SYPL2: variants seen among roughly 807,000 people sequenced by gnomAD.
SYPL2 encodes synaptophysin like 2, also known as synaptophysin-like protein 2.
Under a neutral mutation model 31.3 loss-of-function variants are expected in SYPL2, and 24 were observed. The observed-to-expected ratio is 0.77, with a 90% CI of 0.56 to 1.08. The LOEUF (loss-of-function observed/expected upper bound fraction) is 1.08. Among genes scored for constraint, SYPL2 ranks in the 50% least tolerant of loss-of-function variants. The pLI, the probability that SYPL2 is intolerant of heterozygous loss-of-function variation, is 0.00. For synonymous variants in SYPL2, 144 were observed against 143.1 expected (o/e 1.01, Z -0.05); for missense variants, 342 against 360.1 (o/e 0.95, Z 0.41).
rs751229816 is a variant in SYPL2 at position 109,475,601 on chromosome 1, C to A, written c.150C>A (p.Phe50Leu). 6.2e-7 allele frequency: 1 copy of A among 1,614,088 alleles called. No homozygotes were observed. Among genetic ancestry groups the A allele is most frequent in the Non-Finnish European group, 8.5e-7 (1 of 1,179,964 alleles). Residue 50 changes from phenylalanine (F) to leucine (L), a missense_variant, in exon 3 of 6, where the codon TTC (phenylalanine) becomes TTA (leucine). By Grantham distance (22) the Phe-to-Leu change is conservative. Transcript: ENST00000369872. The part of the protein sequence containing the change: ...VLQWLFAIFA[F>L]GSCGSYSGET... ...CTCAGCTCTTTGCTATTTTCGCCTT[C>A]GGGTCCTGTGGCTCCTACAGCGGGG... is the stretch of plus-strand genomic sequence containing the variant.
At chr1:109,474,592 C>T (rs556248882) in intron 2 of SYPL2, among the ~76,000 whole-genome samples, 8 of 152,224 alleles carry the variant, frequency 5.3e-5, no homozygotes, top group Middle Eastern at 3.4e-3. Context: ...CCACCCGCCT[C>T]AGCCTCCCAA....
At chr1:109,471,379 A>G (rs1384557379) in intron 2 of SYPL2, among the ~76,000 whole-genome samples, 1 of 152,202 alleles carries the variant, frequency 6.6e-6, no homozygotes, top group African/African-American at 2.4e-5. Flanking sequence ...AATAAATACT[A>G]AAGTTATTGT....
rs1468396702 is a variant in SYPL2 at position 109,466,743 on chromosome 1, C to T, written c.-101C>T. ...CTCGCGCTCCGGCCCCGCTCGCCTG[C>T]TCTGCCCCGGACCTGCAGCTCCCCG... On this transcript the variant is annotated 5_prime_UTR_variant, in exon 1 of 6. Coordinates refer to ENST00000369872, the MANE Select transcript of SYPL2 (RefSeq NM_001040709.2). 3 of 1,308,350 alleles carry T rather than the reference C, an allele frequency of 2.3e-6. No individual in the cohort carries two copies. The highest frequency in any genetic ancestry group is 3.1e-5 in the African/African-American group (2 of 63,984). The allele number at this position is 1,308,350 out of a possible 1,614,324, so 81.0% of individuals were successfully genotyped here.
At position 109,466,882 on chromosome 1, in the gene SYPL2, G is replaced by T; in HGVS notation, c.39G>T (p.Lys13Asn). ...AGAGCGCCGGCCGCACGGCGGACAAGTCGCCGCGCCAGCAGGTAGTCCCTG... is the reference window on the plus strand; with the variant it reads ...AGAGCGCCGGCCGCACGGCGGACAATTCGCCGCGCCAGCAGGTAGTCCCTG... ...STESAGRTAD[K>N]SPRQQVDRLL... The change falls in exon 1 of 6, where the codon AAG becomes AAT. Residue 13 changes from lysine (K) to asparagine (N), a missense_variant. Transcript: ENST00000369872. 1 of 1,529,644 alleles carries T rather than the reference G, an allele frequency of 6.5e-7. No individual in the cohort carries two copies. The highest frequency in any genetic ancestry group is 1.7e-4 in the Middle Eastern group (1 of 5,916). 94.8% of individuals were successfully genotyped at this position (1,529,644 alleles called of 1,614,324 possible). A position where few individuals can be genotyped will look rare whatever the true frequency, so the allele number is the denominator to read the frequency against.
intron 2 of SYPL2, 191 bp from the exon 3 acceptor site, chr1:109,475,390 G>T: frequency 1.4e-6 from 1 of 705,312 alleles, no homozygotes; most frequent in Non-Finnish European, 2.2e-6. Flanking sequence ...TTGGCTATTT[G>T]GTCCAGCAGC....
intron 3 of SYPL2, 96 bp downstream of exon 3, chr1:109,475,801 C>A (rs1318626882): frequency 1.3e-6 from 2 of 1,488,174 alleles, no homozygotes; most frequent in Non-Finnish European, 1.8e-6. Context: ...AAAAACCATT[C>A]ATTGCGTGCC....
intron 2 of SYPL2, among the ~76,000 whole-genome samples, chr1:109,470,945 C>G (rs1332481185): frequency 6.6e-6 from 1 of 152,096 alleles, no homozygotes; most frequent in Non-Finnish European, 1.5e-5. Context: ...TATGACGCTC[C>G]TTTCTTGATG....
In SYPL2 at chr1:109,466,579, G is replaced by C. The variant is rs1162849170; in HGVS notation, c.-265G>C. On this transcript the variant is annotated 5_prime_UTR_variant, in exon 1 of 6. Coordinates refer to ENST00000369872, the MANE Select transcript of SYPL2 (RefSeq NM_001040709.2). ...GGCCAAGTTCGCTGCGAGTTTGACA[G>C]AAGTTTGAATCCGAGTCGGGGGCTT... The C allele has an allele frequency of 7.6e-6, 3 of 394,734 alleles. No homozygotes were observed. The highest frequency in any genetic ancestry group is 1.3e-5 in the Non-Finnish European group (3 of 224,310). The allele number at this position is 394,734 out of a possible 1,614,324, so 24.5% of individuals were successfully genotyped here.
rs182728513 is a variant in SYPL2 at position 109,480,457 on chromosome 1, C to T, written c.*909C>T. The T allele has an allele frequency of 6.6e-6, 1 of 152,412 alleles. No individual in the cohort carries two copies. Among genetic ancestry groups the T allele is most frequent in the Non-Finnish European group, 1.5e-5 (1 of 68,136 alleles). 9.4% of individuals were successfully genotyped at this position (152,412 alleles called of 1,614,324 possible). A position where few individuals can be genotyped will look rare whatever the true frequency, so the allele number is the denominator to read the frequency against. On this transcript the variant is annotated 3_prime_UTR_variant, in exon 6 of 6. Coordinates refer to ENST00000369872, the MANE Select transcript of SYPL2 (RefSeq NM_001040709.2). ...TCCCCTTACTTCTCTGTCCATCTCC[C>T]TTCCCCAGCATCGTGCATCTGAGGC...
intron 4 of SYPL2, 80 bp downstream of exon 4, chr1:109,477,057 G>T: frequency 6.5e-7 from 1 of 1,547,092 alleles, no homozygotes; most frequent in Non-Finnish European, 8.9e-7. Flanking sequence ...TGGAGCAGAG[G>T]ACAAGCATGG....
In SYPL2 at chr1:109,475,565, C is replaced by T. The variant is rs2101004620; in HGVS notation, c.130-16C>T. The T allele has an allele frequency of 1.2e-5, 20 of 1,611,264 alleles. No homozygotes were observed. The highest frequency in any genetic ancestry group is 1.6e-5 in the Non-Finnish European group (19 of 1,177,892). ...TGAGGCCTTCTGACTCTCAAAGAGG[C>T]TTCACTCTCTCTCAGCTCTTTGCTA... On this transcript the variant is annotated splice_polypyrimidine_tract_variant and intron_variant, in intron 2 of 5. Coordinates refer to ENST00000369872, the MANE Select transcript of SYPL2 (RefSeq NM_001040709.2).
At chr1:109,470,413 G>T (rs935106038) in intron 2 of SYPL2, among the ~76,000 whole-genome samples, 2 of 152,236 alleles carry the variant, frequency 1.3e-5, no homozygotes, top group African/African-American at 4.8e-5. Flanking sequence ...ATTATCACCA[G>T]CGAGCATGTC....
chr1:109,477,013 A>G (rs947700380), intron 4 of SYPL2, 36 bp downstream of exon 4: 7 of 1,612,046 alleles, frequency 4.3e-6, no homozygotes, highest in East Asian at 2.2e-5. Context: ...TGGGGTGGAG[A>G]AACAGATGTT....
In SYPL2 at chr1:109,480,519, T is replaced by G. The variant is rs1376014466; in HGVS notation, c.*971T>G. ...TTTTTGAAGTCTGTCCAGGCCTTCC[T>G]TTTATTCCTGTGGGGCCAGACAGGG... On this transcript the variant is annotated 3_prime_UTR_variant, in exon 6 of 6. Transcript: ENST00000369872. The G allele has an allele frequency of 6.6e-6, 1 of 152,250 alleles. No individual in the cohort carries two copies. Among genetic ancestry groups the G allele is most frequent in the African/African-American group, 2.4e-5 (1 of 41,430 alleles). 9.4% of individuals were successfully genotyped at this position (152,250 alleles called of 1,614,324 possible).
intron 2 of SYPL2, among the ~76,000 whole-genome samples, chr1:109,473,440 C>T (rs1290524185): frequency 6.6e-6 from 1 of 152,184 alleles, no homozygotes; most frequent in Non-Finnish European, 1.5e-5. Flanking sequence ...TCTGCAAGGC[C>T]AGGCGCTGCA....
At chr1:109,469,014 A>G (rs779870479) in intron 2 of SYPL2, among the ~76,000 whole-genome samples, 14 of 152,240 alleles carry the variant, frequency 9.2e-5, no homozygotes, top group Non-Finnish European at 1.8e-4. Flanking sequence ...TTTCATTCAC[A>G]GGGTAGCATC....
At chr1:109,470,170 T>C (rs953153710) in intron 2 of SYPL2, among the ~76,000 whole-genome samples, 1 of 152,136 alleles carries the variant, frequency 6.6e-6, no homozygotes, top group Non-Finnish European at 1.5e-5. Flanking sequence ...AAAAAATTTT[T>C]GTAAAAATCG....
At chr1:109,473,893 T>A (rs867623416) in intron 2 of SYPL2, among the ~76,000 whole-genome samples, 1 of 138,390 alleles carries the variant, frequency 7.2e-6, no homozygotes, top group Non-Finnish European at 1.6e-5. Flanking sequence ...AGACTCCATC[T>A]AAAAAAAAAA....
chr1:109,477,325 G>A (rs933128676), intron 4 of SYPL2, among the ~76,000 whole-genome samples: 1 of 152,220 alleles, frequency 6.6e-6, no homozygotes, highest in African/African-American at 2.4e-5. Flanking sequence ...GTGAAAAAAT[G>A]AGAATGCATG....
Sources: gnomAD v4.1 joint callset for allele counts (sites outside exome capture counted in the v4.1 genomes callset) on GRCh38, gnomAD v4.1.1 for gene constraint, MANE v1.5 for transcripts, NCBI Gene and HGNC (gene_info 2026-07-23, HGNC 2026-07-21) for gene names.